The following IFT52 variants were observed in gnomAD, a reference collection of about 807,000 sequenced individuals.
IFT52 encodes intraflagellar transport 52.
A neutral mutation model predicts 54.4 loss-of-function variants in IFT52; 44 were observed. That is an observed-to-expected ratio of 0.81 (90% confidence interval 0.63 to 1.04). IFT52 has a LOEUF of 1.04. IFT52 is among the 50% of genes least tolerant of loss of function. The probability of loss-of-function intolerance (pLI) is 0.00; values close to 1 mark genes in which losing one functional copy is unlikely to be tolerated. For synonymous variants in IFT52, 181 were observed against 185.3 expected (o/e 0.98, Z 0.19); for missense variants, 452 against 523.6 (o/e 0.86, Z 1.33).
At position 43,645,666 on chromosome 20, in the gene IFT52, A is replaced by G. The variant is rs1374444213; in HGVS notation, c.1267-1270A>G. On this transcript the variant is annotated intron_variant, in intron 13 of 13. Transcript: ENST00000373030. ...TGAATCATTTAAGCCCAGGAGTTCT[A>G]GTCCAGCCTGGGCAACAGAAACTCC... Among the ~76,000 whole-genome samples, 2 of 55,354 alleles carry G rather than the reference A, an allele frequency of 3.6e-5. 1 individual carries two copies. Among genetic ancestry groups the G allele is most frequent in the East Asian group, 1.2e-3 (2 of 1,604 alleles). 36.3% of individuals were successfully genotyped at this position (55,354 alleles called of 152,430 possible). A position where few individuals can be genotyped will look rare whatever the true frequency, so the allele number is the denominator to read the frequency against.
At chr20:43,632,447 G>A (rs1216810246) in intron 10 of IFT52, among the ~76,000 whole-genome samples, 1 of 151,862 alleles carries the variant, frequency 6.6e-6, no homozygotes, top group Admixed American at 6.6e-5. Flanking sequence ...TTTTAATAGA[G>A]ACGGGGTTTC....
intron 7 of IFT52, among the ~76,000 whole-genome samples, chr20:43,618,601 C>T (rs1984034483): frequency 6.6e-6 from 1 of 152,036 alleles, no homozygotes; most frequent in African/African-American, 2.4e-5. Flanking sequence ...CCTGCCTCAG[C>T]CTCCCGAGTA....
Position 43,620,880 on chromosome 20 carries a change from G to T in IFT52, c.723G>T (p.Thr241=). 6.2e-7 allele frequency: 1 copy of T among 1,611,182 alleles called. No individual in the cohort carries two copies. The highest frequency in any genetic ancestry group is 1.1e-5 in the South Asian group (1 of 90,688). The change falls in exon 9 of 14, where the codon ACG becomes ACT. Residue 241 remains threonine (T), a synonymous_variant. Coordinates refer to ENST00000373030, the MANE Select transcript of IFT52 (RefSeq NM_016004.5). ...KIMDVVFQWL[T]TGDIHLNQID... ...AGGATGTTGTTTTCCAGTGGCTCAC[G>T]ACAGGAGACATCCACCTAAACCAGA... is the stretch of plus-strand genomic sequence containing the variant.
At chr20:43,638,265 G>C (rs1261389613) in intron 12 of IFT52, among the ~76,000 whole-genome samples, 3 of 151,552 alleles carry the variant, frequency 2.0e-5, no homozygotes, top group Non-Finnish European at 4.4e-5. Context: ...ATCTCAGCTC[G>C]AGGTAACCTC....
Position 43,608,681 on chromosome 20 carries a change from G to A in IFT52, c.485+3608G>A, listed in dbSNP as rs190506729. 5.7e-4 allele frequency among the ~76,000 whole-genome samples: 87 copies of A among 152,194 alleles called. 1 individual carries two copies. The highest frequency in any genetic ancestry group is 2.0e-3 in the African/African-American group (81 of 41,514). ...ACACTTTGGGAGGCTGAGGCAGGCA[G>A]ATCACTTGAGCTCAGGAGTTCAAGA... On this transcript the variant is annotated intron_variant, in intron 6 of 13. Transcript: ENST00000373030.
intron 10 of IFT52, among the ~76,000 whole-genome samples, chr20:43,629,551 C>T (rs1180186023): frequency 6.6e-6 from 1 of 152,182 alleles, no homozygotes; most frequent in Non-Finnish European, 1.5e-5. Context: ...GGATTACAGG[C>T]GTCAGCCACC....
intron 6 of IFT52, among the ~76,000 whole-genome samples, chr20:43,611,047 G>T (rs894732253): frequency 6.6e-6 from 1 of 152,166 alleles, no homozygotes; most frequent in Non-Finnish European, 1.5e-5. Flanking sequence ...TTATGACTTT[G>T]TAATTAATTA....
intron 10 of IFT52, among the ~76,000 whole-genome samples, chr20:43,626,135 A>T (rs1984699655): frequency 6.6e-6 from 1 of 151,516 alleles, no homozygotes; most frequent in Non-Finnish European, 1.5e-5. Context: ...GATGTCAATT[A>T]GGTATCCAGA....
At position 43,642,612 on chromosome 20, in the gene IFT52, G is replaced by A. The variant is rs748748221; in HGVS notation, c.1254G>A (p.Lys418=). Residue 418 remains lysine (K), a synonymous_variant, in exon 13 of 14, where the codon AAG becomes AAA. Coordinates refer to ENST00000373030, the MANE Select transcript of IFT52 (RefSeq NM_016004.5). ...EHVFFQVVEF[K]KLNQEHDIDT... is the part of the protein sequence containing the mutation. ...TCTTCTTCCAAGTGGTGGAGTTCAA[G>A]AAATTGAACCAGGTACAGAGCCTAC... 14 of 1,613,996 alleles carry A rather than the reference G, an allele frequency of 8.7e-6. No homozygotes were observed. In the East Asian group the frequency reaches 3.1e-4, roughly 36 times the overall value.
At chr20:43,593,886 A>G (rs1249923099) in intron 1 of IFT52, among the ~76,000 whole-genome samples, 1 of 152,188 alleles carries the variant, frequency 6.6e-6, no homozygotes, top group African/African-American at 2.4e-5. Context: ...TTAAAAGAAT[A>G]TGGTAGATCC....
chr20:43,637,273 T>C lies in IFT52; in HGVS notation c.1120+20T>C, dbSNP rs1223558616. 6 of 1,418,216 alleles carry C rather than the reference T, an allele frequency of 4.2e-6. No homozygotes were observed. The Admixed American group carries it at 6.8e-5, about 16-fold the overall frequency. 87.9% of individuals were successfully genotyped at this position (1,418,216 alleles called of 1,614,324 possible). A position where few individuals can be genotyped will look rare whatever the true frequency, so the allele number is the denominator to read the frequency against. On this transcript the variant is annotated intron_variant, in intron 12 of 13. Coordinates refer to ENST00000373030, the MANE Select transcript of IFT52 (RefSeq NM_016004.5). ...ATAAGTGTAAGTTTGGCGAACTTTT[T>C]TTTTTTGAGACAGAGTTTCACTCTT...
In IFT52 at chr20:43,604,555, G is replaced by T. The variant is rs185591683; in HGVS notation, c.413+297G>T. On this transcript the variant is annotated intron_variant, in intron 5 of 13. Coordinates refer to ENST00000373030, the MANE Select transcript of IFT52 (RefSeq NM_016004.5). ...TGCACCATTGTACTCTGGCCTGGCT[G>T]ACAGAGCGAGACTTCATCTCAAAAA... Among the ~76,000 whole-genome samples the T allele has an allele frequency of 6.4e-4, 97 of 152,098 alleles. No individual in the cohort carries two copies. In the East Asian group the frequency reaches 0.015, roughly 23 times the overall value.
At chr20:43,634,050 G>A (rs770932266) in intron 10 of IFT52, among the ~76,000 whole-genome samples, 4 of 151,958 alleles carry the variant, frequency 2.6e-5, no homozygotes, top group South Asian at 2.1e-4. Flanking sequence ...ACACTCGCTC[G>A]TAGTCCTGGC....
At chr20:43,612,208 G>GGACA (rs1467195556) in intron 6 of IFT52, among the ~76,000 whole-genome samples, 1 of 152,030 alleles carries the variant, frequency 6.6e-6, no homozygotes, top group Non-Finnish European at 1.5e-5. Context: ...CTTCCTCCAT[G>GGACA]GACAACTGCT....
At position 43,619,009 on chromosome 20, in the gene IFT52, G is replaced by T. The variant is rs748186837; in HGVS notation, c.682G>T (p.Glu228Ter). ...CAGTGATCAATATTTGGACAAAGAAGAAAACAGCAAAATCATGGTAAGCTT... is the reference window on the plus strand; with the variant it reads ...CAGTGATCAATATTTGGACAAAGAATAAAACAGCAAAATCATGGTAAGCTT... The part of the protein sequence containing the change: ...MFSDQYLDKE[E>*]NSKIMDVVFQ... Residue 228 changes from glutamate to a stop codon, truncating the protein, a stop_gained, in exon 8 of 14, where the codon GAA (glutamate) becomes TAA (stop). Transcript: ENST00000373030. LOFTEE classifies it high-confidence loss of function. 2.5e-6 allele frequency: 4 copies of T among 1,611,398 alleles called. No homozygotes were observed. The highest frequency in any genetic ancestry group is 3.4e-6 in the Non-Finnish European group (4 of 1,177,710).
rs576251119 is a variant in IFT52 at position 43,627,039 on chromosome 20, C to T, written c.923+2994C>T. Reference sequence around the variant, plus strand: ...AAAAGTAGCTAGGCATGGTGGCACACGCCTGTAGTCCCAGCTACTCGGGAG... The same window carrying T: ...AAAAGTAGCTAGGCATGGTGGCACATGCCTGTAGTCCCAGCTACTCGGGAG... On this transcript the variant is annotated intron_variant, in intron 10 of 13. Transcript: ENST00000373030. Among the ~76,000 whole-genome samples, 10 of 152,090 alleles carry T rather than the reference C, an allele frequency of 6.6e-5. No individual in the cohort carries two copies. The East Asian group carries it at 1.7e-3, about 27-fold the overall frequency.
At chr20:43,611,441 CTTTTTTTTTTTTTTTT>C (rs11469500) in intron 6 of IFT52, among the ~76,000 whole-genome samples, 1 of 55,078 alleles carries the variant, frequency 1.8e-5, no homozygotes, top group South Asian at 1.0e-3. Flanking sequence ...AAATGTCAGT[CTTTTTTTTTTTTTTTT>C]TTTTTTTTTT....
chr20:43,593,200 A>G lies in IFT52; in HGVS notation c.-6-1493A>G, dbSNP rs146122538. ...AAAATCAGAAGAAATACAAGTGGCA[A>G]AAATCTATAGCAAGAGACAACTATC... On this transcript the variant is annotated intron_variant, in intron 1 of 13. Coordinates refer to ENST00000373030, the MANE Select transcript of IFT52 (RefSeq NM_016004.5). Among the ~76,000 whole-genome samples the G allele has an allele frequency of 3.3e-5, 5 of 152,354 alleles. No individual in the cohort carries two copies. In the East Asian group the frequency reaches 7.7e-4, roughly 23 times the overall value.
intron 3 of IFT52, among the ~76,000 whole-genome samples, chr20:43,601,189 T>C (rs999818043): frequency 1.3e-5 from 2 of 152,110 alleles, no homozygotes; most frequent in African/African-American, 4.8e-5. Context: ...TATTTTGCCA[T>C]ATTAATATTA....
Sources: allele counts gnomAD v4.1 joint callset (sites outside exome capture counted in the v4.1 genomes callset), GRCh38; gene constraint gnomAD v4.1.1; transcripts MANE v1.5; gene names NCBI Gene and HGNC (gene_info 2026-07-23, HGNC 2026-07-21).